PIK3CB: variants seen among roughly 807,000 people sequenced by gnomAD.
PIK3CB encodes phosphatidylinositol-4,5-bisphosphate 3-kinase catalytic subunit beta.
Under a neutral mutation model 136.8 loss-of-function variants are expected in PIK3CB, and 39 were observed. The ratio of observed to expected loss-of-function variants is 0.29; its 90% CI spans 0.22 to 0.37. PIK3CB has a LOEUF of 0.37. PIK3CB is among the 10% of genes least tolerant of loss of function. The pLI, the probability that PIK3CB is intolerant of heterozygous loss-of-function variation, is 1.00. For missense variants in PIK3CB, 868 were observed against 1,275.4 expected (o/e 0.68, Z 4.87); for synonymous variants, 428 against 436.6 (o/e 0.98, Z 0.25).
intron 18 of PIK3CB, among the ~76,000 whole-genome samples, 194 bp from the exon 19 acceptor site, chr3:138,682,239 G>C (rs933861793): frequency 6.6e-6 from 1 of 152,172 alleles, no homozygotes; most frequent in African/African-American, 2.4e-5. Context: ...TAAATTAAAA[G>C]ATTTTTTAAA....
intron 2 of PIK3CB, among the ~76,000 whole-genome samples, chr3:138,769,638 G>C (rs765434406): frequency 1.1e-4 from 16 of 152,158 alleles, no homozygotes; most frequent in Non-Finnish European, 2.4e-4. Context: ...TGTTTTGTCA[G>C]ACTTAAAACT....
intron 8 of PIK3CB, among the ~76,000 whole-genome samples, chr3:138,721,247 C>T (rs1190735904): frequency 6.6e-6 from 1 of 152,088 alleles, no homozygotes; most frequent in African/African-American, 2.4e-5. Context: ...ACTGCAACAT[C>T]CGCCTTCTGG....
intron 19 of PIK3CB, among the ~76,000 whole-genome samples, chr3:138,681,052 G>GTT (rs61348148): frequency 6.5e-5 from 9 of 139,274 alleles, no homozygotes; most frequent in Non-Finnish European, 1.2e-4. Context: ...TTTTTTTTTT[G>GTT]TTTTTTTTTT....
intron 19 of PIK3CB, among the ~76,000 whole-genome samples, chr3:138,673,349 A>G (rs1034309106): frequency 3.9e-5 from 6 of 152,192 alleles, no homozygotes; most frequent in Admixed American, 3.9e-4. Flanking sequence ...AAAGAAATAC[A>G]CACGCACAGA....
intron 1 of PIK3CB, among the ~76,000 whole-genome samples, chr3:138,820,165 C>G (rs1933497424): frequency 6.6e-6 from 1 of 152,184 alleles, no homozygotes; most frequent in African/African-American, 2.4e-5. Flanking sequence ...GCTAACATGA[C>G]TGGCCTTTGC....
rs150265904 is a variant in PIK3CB at position 138,826,652 on chromosome 3, T to C, written c.-122+8043A>G. On this transcript the variant is annotated intron_variant, in intron 1 of 23. Coordinates refer to ENST00000674063, the MANE Select transcript of PIK3CB (RefSeq NM_006219.3). Reference sequence around the variant, plus strand: ...TTTAATGAGAAAAAAAAAAAAGATATGGTAACTCTAAACCAAATAGTTCAG... The same window carrying C: ...TTTAATGAGAAAAAAAAAAAAGATACGGTAACTCTAAACCAAATAGTTCAG... Among the ~76,000 whole-genome samples the C allele has an allele frequency of 3.4e-4, 51 of 151,442 alleles. 1 individual carries two copies. Among genetic ancestry groups the C allele is most frequent in the African/African-American group, 1.0e-3 (42 of 41,368 alleles).
chr3:138,799,521 A>G (rs1055232002), intron 1 of PIK3CB, among the ~76,000 whole-genome samples: 5 of 152,074 alleles, frequency 3.3e-5, no homozygotes, highest in Non-Finnish European at 7.4e-5. Flanking sequence ...ATATCACTGG[A>G]GTGATCTGCT....
intron 1 of PIK3CB, chr3:138,825,537 T>C: frequency 1.5e-6 from 1 of 661,354 alleles, no homozygotes; most frequent in Non-Finnish European, 2.7e-6. Flanking sequence ...GTGGGAACAG[T>C]GACAACATGC....
intron 2 of PIK3CB, among the ~76,000 whole-genome samples, chr3:138,779,303 G>T (rs1454049578): frequency 1.3e-4 from 19 of 150,628 alleles, no homozygotes; most frequent in Non-Finnish European, 7.4e-5. Context: ...AGCCAGGATG[G>T]TCTTGATCTC....
chr3:138,765,249 G>A (rs1218117185), intron 2 of PIK3CB, among the ~76,000 whole-genome samples: 3 of 152,064 alleles, frequency 2.0e-5, no homozygotes, highest in Non-Finnish European at 4.4e-5. Context: ...ACTGAGAGAC[G>A]GAAGTTGCAG....
At chr3:138,773,951 G>A (rs1181277769) in intron 2 of PIK3CB, among the ~76,000 whole-genome samples, 1 of 152,130 alleles carries the variant, frequency 6.6e-6, no homozygotes, top group Non-Finnish European at 1.5e-5. Flanking sequence ...AGGTAAAAAT[G>A]ATTATTTCCC....
In PIK3CB at chr3:138,742,657, T is replaced by C; in HGVS notation, c.522A>G (p.Gln174=). 6.2e-7 allele frequency: 1 copy of C among 1,610,866 alleles called. No homozygotes were observed. Among genetic ancestry groups the C allele is most frequent in the Non-Finnish European group, 8.5e-7 (1 of 1,177,104 alleles). ...ATGGTTCATGCTCTGGTGGATATGT[T>C]TGTTTTAGCCAGTCCATCCAAGACA... ...VGLSWMDWLK[Q]TYPPEHEPSI... is the part of the protein sequence containing the mutation. Residue 174 remains glutamine (Q), a synonymous_variant, in exon 5 of 24, where the codon CAA becomes CAG. Coordinates refer to ENST00000674063, the MANE Select transcript of PIK3CB (RefSeq NM_006219.3).
chr3:138,718,273 T>A, intron 8 of PIK3CB, among the ~76,000 whole-genome samples: 1 of 152,256 alleles, frequency 6.6e-6, no homozygotes, highest in East Asian at 1.9e-4. Flanking sequence ...ATTTCTCTAA[T>A]GATCAGTGAC....
chr3:138,681,198 T>A (rs2043773495), intron 19 of PIK3CB, among the ~76,000 whole-genome samples: 1 of 151,260 alleles, frequency 6.6e-6, no homozygotes, highest in South Asian at 2.1e-4. Context: ...GGGCATGTGC[T>A]CCACGCCTGG....
intron 13 of PIK3CB, among the ~76,000 whole-genome samples, chr3:138,696,069 T>C (rs1023356014): frequency 6.6e-6 from 1 of 150,898 alleles, no homozygotes; most frequent in African/African-American, 2.4e-5. Flanking sequence ...GCACTCAGCA[T>C]AAATTGTTAA....
At chr3:138,773,903 A>C (rs1238464582) in intron 2 of PIK3CB, among the ~76,000 whole-genome samples, 1 of 152,202 alleles carries the variant, frequency 6.6e-6, no homozygotes, top group African/African-American at 2.4e-5. Flanking sequence ...TTAAGTGTTA[A>C]GCTATTCCAA....
At chr3:138,813,036 C>T (rs1933145610) in intron 1 of PIK3CB, among the ~76,000 whole-genome samples, 1 of 152,124 alleles carries the variant, frequency 6.6e-6, no homozygotes, top group South Asian at 2.1e-4. Flanking sequence ...GATGTTACCA[C>T]TGGAGTATTA....
At chr3:138,673,289 G>A (rs1469372261) in intron 19 of PIK3CB, among the ~76,000 whole-genome samples, 1 of 152,030 alleles carries the variant, frequency 6.6e-6, no homozygotes, top group Non-Finnish European at 1.5e-5. Context: ...ACTAAAAGAT[G>A]TGACTTCTTT....
intron 2 of PIK3CB, among the ~76,000 whole-genome samples, chr3:138,777,006 A>G (rs139993052): frequency 8.5e-4 from 130 of 152,332 alleles, no homozygotes; most frequent in African/African-American, 3.0e-3. Context: ...TACACGATCA[A>G]CAGCACTGCT....
Sources: gnomAD v4.1 joint callset for allele counts (sites outside exome capture counted in the v4.1 genomes callset) on GRCh38, gnomAD v4.1.1 for gene constraint, MANE v1.5 for transcripts, NCBI Gene and HGNC (gene_info 2026-07-23, HGNC 2026-07-21) for gene names.